Variants in C10orf143 observed in about 807,000 individuals in gnomAD.
The protein encoded by C10orf143 is chromosome 10 open reading frame 143, also known as uncharacterized protein C10orf143.
chr10:130,060,822 C>CAAAAA (rs11312813), downstream of C10orf143, among the ~76,000 whole-genome samples: 3 of 53,364 alleles, frequency 5.6e-5, no homozygotes, highest in Middle Eastern at 0.018. Context: ...GACTCCGTCT[C>CAAAAA]AAAAAAAAAA....
chr10:130,039,307 G>A (rs1025952593), intron 3 of C10orf143, among the ~76,000 whole-genome samples: 2 of 152,076 alleles, frequency 1.3e-5, no homozygotes, highest in South Asian at 2.1e-4. Context: ...TCTGCAAGCC[G>A]GAGGCCGAGG....
intron 1 of C10orf143, among the ~76,000 whole-genome samples, chr10:130,099,871 A>ACT (rs56120436): frequency 0.94 from 136,749 of 145,794 alleles, 64,168 homozygotes; most frequent in African/African-American, 0.96. Flanking sequence ...ATGGACTCTC[A>ACT]CTGTCACCCA....
chr10:130,036,749 T>A (rs1366283441), intron 3 of C10orf143, among the ~76,000 whole-genome samples: 1 of 151,518 alleles, frequency 6.6e-6, no homozygotes, highest in Middle Eastern at 3.2e-3. Flanking sequence ...GCAGCCCACC[T>A]AGGTGCACAC....
chr10:130,106,529 CA>C (rs1861650921), intron 1 of C10orf143: 2 of 1,597,524 alleles, frequency 1.3e-6, no homozygotes, highest in Non-Finnish European at 1.7e-6. Context: ...ACATTCGCAA[CA>C]AAATGAATTG....
Position 130,056,747 on chromosome 10 carries a change from G to A in C10orf143, c.298-20777C>T, listed in dbSNP as rs1334784182. Among the ~76,000 whole-genome samples, 5 of 151,552 alleles carry A rather than the reference G, an allele frequency of 3.3e-5. No homozygotes were observed. The highest frequency in any genetic ancestry group is 3.9e-4 in the East Asian group (2 of 5,106). On this transcript the variant is annotated intron_variant and NMD_transcript_variant, in intron 3 of 5. Coordinates refer to the C10orf143 transcript ENST00000643056. The surrounding 1 kb of genome is among the most constrained non-coding windows in gnomAD (Gnocchi z 4.6). ...GCTGGGATTACAGGCACCCACCACC[G>A]CACCTGGCTAATTTTTTGTATTTTT...
intron 1 of C10orf143, among the ~76,000 whole-genome samples, chr10:130,105,875 AGAGTGGGCCTGTGAGCGC>A (rs1861634055): frequency 6.6e-6 from 1 of 152,236 alleles, no homozygotes; most frequent in Non-Finnish European, 1.5e-5. Context: ...CTGGGTGGGC[AGAGTGGGCCTGTGAGCGC>A]CCGCATCCCC....
In C10orf143 at chr10:130,094,162, C is replaced by T. The variant is rs532234373; in HGVS notation, c.70-14261G>A. On this transcript the variant is annotated intron_variant, in intron 1 of 3. Transcript: ENST00000637128. ...ACATTCCTGGATACATATACCCTCCCGAAACTAAACCAGGAAGAAGTCAAA... is the reference window on the plus strand; with the variant it reads ...ACATTCCTGGATACATATACCCTCCTGAAACTAAACCAGGAAGAAGTCAAA... Among the ~76,000 whole-genome samples, 6 of 152,180 alleles carry T rather than the reference C, an allele frequency of 3.9e-5. No individual in the cohort carries two copies. The South Asian group carries it at 1.2e-3, about 32-fold the overall frequency.
intron 3 of C10orf143, among the ~76,000 whole-genome samples, chr10:130,049,181 A>T (rs887792348): frequency 1.3e-5 from 2 of 152,308 alleles, no homozygotes; most frequent in Non-Finnish European, 1.5e-5. Context: ...TGTCAGGTGC[A>T]GCACCTGGGC....
At chr10:130,053,287 C>G (rs1317330019) in intron 3 of C10orf143, among the ~76,000 whole-genome samples, 2 of 152,170 alleles carry the variant, frequency 1.3e-5, no homozygotes, top group Admixed American at 6.5e-5. Context: ...TCTCGATCTC[C>G]TGATATATCA....
intron 1 of C10orf143, among the ~76,000 whole-genome samples, chr10:130,088,225 A>G (rs1480120101): frequency 6.6e-6 from 1 of 152,106 alleles, no homozygotes; most frequent in Non-Finnish European, 1.5e-5. Flanking sequence ...TCTACTAAAC[A>G]TACAAAAAAT....
chr10:130,053,636 C>T (rs529184219), intron 3 of C10orf143, among the ~76,000 whole-genome samples: 31 of 152,268 alleles, frequency 2.0e-4, no homozygotes, highest in South Asian at 6.2e-4. Context: ...GGCTGGGACT[C>T]GGGGCAGTTT....
rs113002127 is a variant in C10orf143, at chr10:130,036,795, T to C, written c.298-825A>G. 6.7e-3 allele frequency among the ~76,000 whole-genome samples: 1,024 copies of C among 152,220 alleles called. 10 individuals carry two copies. Among genetic ancestry groups the C allele is most frequent in the African/African-American group, 0.024 (1,000 of 41,562 alleles). On this transcript the variant is annotated intron_variant and NMD_transcript_variant, in intron 3 of 5. Transcript: ENST00000643056. ...TCCTTTCTCTCCAGAGGACGCTGGG[T>C]GCTGGGCGCAAGTTCCTAGAGAACA... is the stretch of plus-strand genomic sequence containing the variant.
At chr10:130,093,230 CA>C (rs1413937517) in intron 1 of C10orf143, among the ~76,000 whole-genome samples, 1 of 152,174 alleles carries the variant, frequency 6.6e-6, no homozygotes, top group East Asian at 1.9e-4. Flanking sequence ...GACCACAGTG[CA>C]ATCAAATTAG....
At chr10:130,045,618 A>G (rs1248423362) in intron 3 of C10orf143, among the ~76,000 whole-genome samples, 2 of 152,218 alleles carry the variant, frequency 1.3e-5, no homozygotes, top group African/African-American at 4.8e-5. Context: ...TTTTCGTTTG[A>G]AGCAGAGATG....
chr10:130,042,112 C>G (rs1393376348), intron 3 of C10orf143, among the ~76,000 whole-genome samples: 1 of 152,200 alleles, frequency 6.6e-6, no homozygotes, highest in Non-Finnish European at 1.5e-5. Context: ...ATGTGCACAC[C>G]CATACATACA....
chr10:130,108,259 C>T, intron 1 of C10orf143: 2 of 1,564,706 alleles, frequency 1.3e-6, no homozygotes, highest in Admixed American at 3.3e-5. Flanking sequence ...CAGGGGATTT[C>T]CCAGGTCCAC....
chr10:130,055,952 T>TAAAAAAAAAAAA (rs369284797), intron 3 of C10orf143, among the ~76,000 whole-genome samples: 85 of 65,800 alleles, frequency 1.3e-3, no homozygotes, highest in Non-Finnish European at 1.8e-3. Context: ...TCTCCAAAAG[T>TAAAAAAAAAAAA]AAAAAAAAAA....
At chr10:130,037,208 A>C (rs1268960130) in intron 3 of C10orf143, among the ~76,000 whole-genome samples, 1 of 152,190 alleles carries the variant, frequency 6.6e-6, no homozygotes, top group Non-Finnish European at 1.5e-5. Flanking sequence ...GGTGAGCAAC[A>C]AGGCTTCTTA....
intron 3 of C10orf143, among the ~76,000 whole-genome samples, chr10:130,039,475 C>T (rs555704666): frequency 4.6e-5 from 7 of 152,234 alleles, no homozygotes; most frequent in Non-Finnish European, 8.8e-5. Context: ...AGAGAGCAAA[C>T]GTGCCCTCCT....
Sources: allele counts gnomAD v4.1 joint callset (sites outside exome capture counted in the v4.1 genomes callset), GRCh38; gene constraint gnomAD v4.1.1; non-coding constraint Gnocchi (gnomAD v3.1); transcripts MANE v1.5; gene names NCBI Gene and HGNC (gene_info 2026-07-23, HGNC 2026-07-21).